SHB: variants seen among roughly 807,000 people sequenced by gnomAD.
SHB encodes SH2 domain-containing adapter protein B.
Under a neutral mutation model 52.3 loss-of-function variants are expected in SHB, and 20 were observed. The observed-to-expected ratio is 0.38, with a 90% CI of 0.27 to 0.56. The LOEUF (loss-of-function observed/expected upper bound fraction) is 0.56, where lower values mean the gene tolerates loss of function less well. SHB is among the 20% of genes least tolerant of loss of function. SHB has a pLI of 0.71. For missense variants in SHB, 825 were observed against 723.3 expected (o/e 1.14, Z -1.61); for synonymous variants, 397 against 316.5 (o/e 1.25, Z -2.70).
rs1832093343 is a variant in SHB at position 37,916,036 on chromosome 9, GC to G, written c.*3784del. 1.3e-5 allele frequency among the ~76,000 whole-genome samples: 2 copies of G among 152,332 alleles called. No individual in the cohort carries two copies. Among genetic ancestry groups the G allele is most frequent in the Middle Eastern group, 3.4e-3 (1 of 294 alleles). On this transcript the variant is annotated 3_prime_UTR_variant, in exon 6 of 6. Coordinates refer to ENST00000377707, the MANE Select transcript of SHB (RefSeq NM_003028.3). ...AAGGCTCCTGGCAGGGATGCAAACA[GC>G]CCCAAGGAGGGAGGTGGAAAGGCCA...
chr9:38,037,163 C>T (rs752247374), intron 1 of SHB, among the ~76,000 whole-genome samples: 3 of 152,144 alleles, frequency 2.0e-5, no homozygotes, highest in Non-Finnish European at 2.9e-5. Context: ...AAGAATCCTG[C>T]GATCTCCTTA....
Position 38,068,662 on chromosome 9 carries a change from G to C in SHB, c.-17C>G. 1 of 1,329,126 alleles carries C rather than the reference G, an allele frequency of 7.5e-7. No homozygotes were observed. The highest frequency in any genetic ancestry group is 9.6e-7 in the Non-Finnish European group (1 of 1,046,538). The allele number at this position is 1,329,126 out of a possible 1,614,324, so 82.3% of individuals were successfully genotyped here. On this transcript the variant is annotated 5_prime_UTR_variant, in exon 1 of 6. Coordinates refer to ENST00000377707, the MANE Select transcript of SHB (RefSeq NM_003028.3). The stretch of plus-strand genomic sequence containing the variant: ...CTTGGCCATGGCGAGAGGCCGCCTA[G>C]GGCCGCGGCGCGGGAGCCCGGTCCG...
chr9:37,968,461 G>A (rs978225708), intron 3 of SHB, among the ~76,000 whole-genome samples: 3 of 152,226 alleles, frequency 2.0e-5, no homozygotes, highest in Non-Finnish European at 4.4e-5. Flanking sequence ...ATCTGCCAAG[G>A]AGCTAGTGGG....
chr9:38,051,686 C>A (rs1190797875), intron 1 of SHB, among the ~76,000 whole-genome samples: 1 of 152,130 alleles, frequency 6.6e-6, no homozygotes, highest in Non-Finnish European at 1.5e-5. Context: ...GATCCAGAGC[C>A]CCACAGAAGC....
intron 1 of SHB, among the ~76,000 whole-genome samples, chr9:38,042,598 G>A (rs1821598255): frequency 6.6e-6 from 1 of 152,206 alleles, no homozygotes; most frequent in Non-Finnish European, 1.5e-5. Flanking sequence ...GTGTTTAAGA[G>A]GGGATCTACC....
intron 2 of SHB, among the ~76,000 whole-genome samples, chr9:37,989,610 T>C (rs1408599728): frequency 2.0e-5 from 3 of 152,156 alleles, no homozygotes; most frequent in Admixed American, 6.5e-5. Context: ...TCCATTTAAG[T>C]GGGGAAACGG....
chr9:38,011,428 C>A (rs1821141754), intron 2 of SHB, among the ~76,000 whole-genome samples: 1 of 152,070 alleles, frequency 6.6e-6, no homozygotes, highest in Non-Finnish European at 1.5e-5. Context: ...TAGGACTGAA[C>A]AATTAGCCAG....
At position 37,937,335 on chromosome 9, in the gene SHB, C is replaced by T. The variant is rs188136109; in HGVS notation, c.1346+11300G>A. Among the ~76,000 whole-genome samples, 315 of 152,016 alleles carry T rather than the reference C, an allele frequency of 2.1e-3. 1 individual carries two copies. The highest frequency in any genetic ancestry group is 1.1e-3 in the Non-Finnish European group (73 of 67,972). On this transcript the variant is annotated intron_variant, in intron 5 of 5. Coordinates refer to ENST00000377707, the MANE Select transcript of SHB (RefSeq NM_003028.3). The stretch of plus-strand genomic sequence containing the variant: ...AGGCCATAAGCAGAGTGTGGATTTT[C>T]CAAAAGAAATGGCAAAAATAAAATT...
At chr9:38,067,046 T>G (rs1821978358) in intron 1 of SHB, among the ~76,000 whole-genome samples, 2 of 150,246 alleles carry the variant, frequency 1.3e-5, no homozygotes, top group East Asian at 2.0e-4. Context: ...TTCACAGGAG[T>G]GTGAAGGGGG....
At chr9:37,964,502 T>C (rs918891530) in intron 3 of SHB, among the ~76,000 whole-genome samples, 16 of 152,112 alleles carry the variant, frequency 1.1e-4, no homozygotes, top group Admixed American at 9.2e-4. Context: ...CCGATGAAGA[T>C]GATGAAATAA....
At chr9:38,009,635 C>G (rs1217827368) in intron 2 of SHB, among the ~76,000 whole-genome samples, 1 of 152,198 alleles carries the variant, frequency 6.6e-6, no homozygotes, top group Admixed American at 6.5e-5. Context: ...ATGATTCTCC[C>G]AGAGAGCATG....
At chr9:38,062,566 C>G (rs1390088692) in intron 1 of SHB, among the ~76,000 whole-genome samples, 1 of 152,168 alleles carries the variant, frequency 6.6e-6, no homozygotes, top group Non-Finnish European at 1.5e-5. Context: ...GGAGAGACCA[C>G]ACGGAACAGA....
In SHB at chr9:37,916,737, G is replaced by T. The variant is rs539801273; in HGVS notation, c.*3084C>A. On this transcript the variant is annotated 3_prime_UTR_variant, in exon 6 of 6. Transcript: ENST00000377707. ...GGCCATTCTTCTGACTTCAGGACGGGACTGGCAGGCGGTGGGGCCCTCTTC... is the reference window on the plus strand; with the variant it reads ...GGCCATTCTTCTGACTTCAGGACGGTACTGGCAGGCGGTGGGGCCCTCTTC... Among the ~76,000 whole-genome samples the T allele has an allele frequency of 1.3e-5, 2 of 152,334 alleles. No individual in the cohort carries two copies. Among genetic ancestry groups the T allele is most frequent in the African/African-American group, 4.8e-5 (2 of 41,584 alleles).
At chr9:38,002,100 C>T (rs1821020855) in intron 2 of SHB, among the ~76,000 whole-genome samples, 1 of 152,020 alleles carries the variant, frequency 6.6e-6, no homozygotes, top group Non-Finnish European at 1.5e-5. Flanking sequence ...TGGGTCACTT[C>T]GATTCTCTGG....
At chr9:37,931,609 C>T (rs552037581) in intron 5 of SHB, among the ~76,000 whole-genome samples, 7 of 152,020 alleles carry the variant, frequency 4.6e-5, no homozygotes, top group Admixed American at 4.6e-4. Flanking sequence ...GGCGAGGATG[C>T]GGAAAAAAGG....
intron 5 of SHB, among the ~76,000 whole-genome samples, chr9:37,922,864 C>A (rs1426167978): frequency 6.6e-6 from 1 of 152,168 alleles, no homozygotes; most frequent in Non-Finnish European, 1.5e-5. Context: ...CTGGGGGGTA[C>A]TTCCAGCCCT....
chr9:37,998,091 G>A (rs1417597909), intron 2 of SHB, among the ~76,000 whole-genome samples: 12 of 152,206 alleles, frequency 7.9e-5, no homozygotes, highest in Non-Finnish European at 2.9e-5. Context: ...GTAAAGTGCC[G>A]CCGTGCCCAA....
In SHB at chr9:38,068,478, A is replaced by G. The variant is rs1241279635; in HGVS notation, c.168T>C (p.Gly56=). ...QASSAASASC[G]PATASCFSAS... ...CTGAGAAGCAGGAGGCGGTGGCCGGACCGCAGGACGCCGAGGCGGCGGAGG... is the reference window on the plus strand; with the variant it reads ...CTGAGAAGCAGGAGGCGGTGGCCGGGCCGCAGGACGCCGAGGCGGCGGAGG... The change falls in exon 1 of 6, where the codon GGT becomes GGC. Residue 56 remains glycine, a synonymous_variant. Coordinates refer to ENST00000377707, the MANE Select transcript of SHB (RefSeq NM_003028.3). 4.6e-6 allele frequency: 7 copies of G among 1,507,428 alleles called. No individual in the cohort carries two copies. The Admixed American group carries it at 1.3e-4, about 27-fold the overall frequency. The allele number at this position is 1,507,428 out of a possible 1,614,324, so 93.4% of individuals were successfully genotyped here.
chr9:37,933,992 G>A (rs150307658), intron 5 of SHB, among the ~76,000 whole-genome samples: 31 of 152,308 alleles, frequency 2.0e-4, no homozygotes, highest in African/African-American at 6.5e-4. Context: ...CATCCTGGTC[G>A]CTTCTGCTGC....
Sources: gnomAD v4.1 joint callset for allele counts (sites outside exome capture counted in the v4.1 genomes callset) on GRCh38, gnomAD v4.1.1 for gene constraint, MANE v1.5 for transcripts, NCBI Gene and HGNC (gene_info 2026-07-23, HGNC 2026-07-21) for gene names.